Variants in COL9A1 observed in about 807,000 individuals in gnomAD.
The protein encoded by COL9A1 is collagen type IX alpha 1 chain.
In COL9A1, 104 loss-of-function variants were observed where a neutral mutation model predicts 142.6. That is an observed-to-expected ratio of 0.73 (90% CI 0.62 to 0.86). The LOEUF is 0.86. COL9A1 is among the 40% of genes least tolerant of loss of function. COL9A1 has a pLI of 0.00. For missense variants in COL9A1, 1,210 were observed against 1,176.6 expected (o/e 1.03, Z -0.42); for synonymous variants, 466 against 396.0 (o/e 1.18, Z -2.10).
intron 5 of COL9A1, among the ~76,000 whole-genome samples, chr6:70,289,693 T>C (rs1217747925): frequency 6.6e-6 from 1 of 152,224 alleles, no homozygotes; most frequent in Non-Finnish European, 1.5e-5. Flanking sequence ...TGAAAGAGTA[T>C]TTGTAAAAGA....
At chr6:70,280,537 T>C in intron 10 of COL9A1, 1 of 1,381,902 alleles carries the variant, frequency 7.2e-7, no homozygotes, top group Non-Finnish European at 9.4e-7. Context: ...CACTGTGAGG[T>C]CACGGTTAGA....
At chr6:70,290,463 C>T (rs1012681103) in intron 5 of COL9A1, among the ~76,000 whole-genome samples, 1 of 152,078 alleles carries the variant, frequency 6.6e-6, no homozygotes, top group Non-Finnish European at 1.5e-5. Flanking sequence ...TCTGAGCCCA[C>T]TAAGTAACCA....
rs376881795 is a variant in COL9A1 at position 70,302,835 on chromosome 6, G to C, written c.14+76C>G. On this transcript the variant is annotated intron_variant, in intron 1 of 37. Coordinates refer to ENST00000357250, the MANE Select transcript of COL9A1 (RefSeq NM_001851.6). ...CACCTACTCTCATCTTACCACTGCTGCAAAAATACAGACCCTTGGTTCTGA... is the reference window on the plus strand; with the variant it reads ...CACCTACTCTCATCTTACCACTGCTCCAAAAATACAGACCCTTGGTTCTGA... 520 of 1,517,932 alleles carry C rather than the reference G, an allele frequency of 3.4e-4. 1 individual carries two copies. Among genetic ancestry groups the C allele is most frequent in the Non-Finnish European group, 4.5e-4 (487 of 1,092,992 alleles). The allele number at this position is 1,517,932 out of a possible 1,614,324, so 94.0% of individuals were successfully genotyped here. A position where few individuals can be genotyped will look rare whatever the true frequency, so the allele number is the denominator to read the frequency against.
intron 33 of COL9A1, among the ~76,000 whole-genome samples, chr6:70,237,779 A>G (rs1022125226): frequency 6.6e-6 from 1 of 152,226 alleles, no homozygotes; most frequent in African/African-American, 2.4e-5. Flanking sequence ...CTTGAGACAT[A>G]GTGTTTAGAG....
At chr6:70,254,325 A>G (rs1349034025) in intron 25 of COL9A1, 151 bp downstream of exon 25, 3 of 666,226 alleles carry the variant, frequency 4.5e-6, no homozygotes, top group African/African-American at 1.8e-5. Context: ...AGTATAAAAT[A>G]TAAAATACAA....
Position 70,242,045 on chromosome 6 carries a change from A to G in COL9A1, c.1927-10T>C. 6.3e-7 allele frequency: 1 copy of G among 1,586,500 alleles called. No individual in the cohort carries two copies. The highest frequency in any genetic ancestry group is 8.6e-7 in the Non-Finnish European group (1 of 1,164,152). ...GGCTACCCAGAGAACCCTGGAAAGC[A>G]AAAACAAAGTCCCCGGAGTTACTGT... On this transcript the variant is annotated splice_polypyrimidine_tract_variant and intron_variant, in intron 29 of 37. Coordinates refer to ENST00000357250, the MANE Select transcript of COL9A1 (RefSeq NM_001851.6).
At chr6:70,301,900 A>G (rs971592552) in intron 2 of COL9A1, 101 bp downstream of exon 2, 2 of 921,180 alleles carry the variant, frequency 2.2e-6, no homozygotes, top group Non-Finnish European at 3.5e-6. Flanking sequence ...GAGGGTGTGA[A>G]GGACTATGAA....
intron 5 of COL9A1, among the ~76,000 whole-genome samples, chr6:70,292,968 T>G (rs2127604179): frequency 6.6e-6 from 1 of 152,350 alleles, no homozygotes; most frequent in Non-Finnish European, 1.5e-5. Flanking sequence ...TACAAATTGC[T>G]TCCCGTCCAT....
intron 27 of COL9A1, 44 bp downstream of exon 27, chr6:70,252,218 T>C (rs1770987615): frequency 6.2e-7 from 1 of 1,613,858 alleles, no homozygotes; most frequent in Non-Finnish European, 8.5e-7. Flanking sequence ...CACCTACTGA[T>C]TACAACAGGT....
chr6:70,271,951 G>T, intron 13 of COL9A1, 114 bp downstream of exon 13: 1 of 1,105,474 alleles, frequency 9.0e-7, no homozygotes, highest in Non-Finnish European at 1.4e-6. Flanking sequence ...GATCTTGCAG[G>T]TAGAACACTG....
chr6:70,298,784 A>T (rs1292146181), intron 4 of COL9A1, among the ~76,000 whole-genome samples: 1 of 152,256 alleles, frequency 6.6e-6, no homozygotes, highest in East Asian at 1.9e-4. Context: ...TTATTTAGCA[A>T]CACGACTGGC....
chr6:70,227,448 A>AAAAAAAAAAAAAAAAAAAAAAAAAAAT, intron 36 of COL9A1, among the ~76,000 whole-genome samples: 1 of 149,108 alleles, frequency 6.7e-6, no homozygotes, highest in East Asian at 1.9e-4. Flanking sequence ...AAAAAAAAAA[A>AAAAAAAAAAAAAAAAAAAAAAAAAAAT]GGATGCTATT....
At chr6:70,283,374 T>C in intron 6 of COL9A1, 1 of 821,284 alleles carries the variant, frequency 1.2e-6, no homozygotes, top group African/African-American at 1.7e-5. Context: ...TCCACCCCAG[T>C]GCAGCTTCTG....
intron 28 of COL9A1, among the ~76,000 whole-genome samples, chr6:70,245,449 G>A (rs368653380): frequency 1.3e-5 from 2 of 152,128 alleles, no homozygotes; most frequent in Non-Finnish European, 2.9e-5. Context: ...CCATGGCACC[G>A]GTAACCACAA....
chr6:70,279,089 AT>A (rs1352977341), intron 10 of COL9A1, among the ~76,000 whole-genome samples: 6 of 152,210 alleles, frequency 3.9e-5, no homozygotes, highest in East Asian at 1.9e-4. Context: ...TACCAAAATA[AT>A]TTTTTTAATT....
intron 29 of COL9A1, 38 bp downstream of exon 29, chr6:70,242,624 T>G (rs1003756695): frequency 1.5e-5 from 24 of 1,575,302 alleles, no homozygotes; most frequent in Non-Finnish European, 2.1e-5. Context: ...ATGCATTGTG[T>G]TTCGTAGAAG....
chr6:70,265,095 C>T (rs1315183772), intron 18 of COL9A1, among the ~76,000 whole-genome samples: 4 of 152,046 alleles, frequency 2.6e-5, no homozygotes, highest in Non-Finnish European at 4.4e-5. Flanking sequence ...TTTCAACAAC[C>T]TTCAAAGTAA....
intron 35 of COL9A1, among the ~76,000 whole-genome samples, chr6:70,233,964 C>G (rs944686287): frequency 6.6e-6 from 1 of 152,176 alleles, no homozygotes. Context: ...AATTCTGAAA[C>G]AAATAACAAT....
Position 70,260,832 on chromosome 6 carries a change from G to C in COL9A1, c.1396-122C>G, listed in dbSNP as rs1583282097. On this transcript the variant is annotated intron_variant, in intron 19 of 37. Transcript: ENST00000357250. ...TAACCAAAGGTAATACCAAGAAATA[G>C]TAACTATATATATATAGACAAACAT... 3.0e-5 allele frequency: 25 copies of C among 825,680 alleles called. No homozygotes were observed. In the East Asian group the frequency reaches 7.1e-4, roughly 23 times the overall value. 51.1% of individuals were successfully genotyped at this position (825,680 alleles called of 1,614,324 possible). A position where few individuals can be genotyped will look rare whatever the true frequency, so the allele number is the denominator to read the frequency against.
Sources: gnomAD v4.1 joint callset for allele counts (sites outside exome capture counted in the v4.1 genomes callset) on GRCh38, gnomAD v4.1.1 for gene constraint, MANE v1.5 for transcripts, NCBI Gene and HGNC (gene_info 2026-07-23, HGNC 2026-07-21) for gene names.